Variants in CBLN2 observed in about 807,000 individuals in gnomAD.
CBLN2 encodes cerebellin-2.
CBLN2 carries 7 observed loss-of-function variants against 15.0 expected under a neutral mutation model. The ratio of observed to expected loss-of-function variants is 0.47; its 90% CI spans 0.27 to 0.88. The LOEUF is 0.88. CBLN2 is among the 40% of genes least tolerant of loss of function. The pLI is 0.14. For missense variants in CBLN2, 242 were observed against 304.5 expected (o/e 0.79, Z 1.53); for synonymous variants, 149 against 135.2 (o/e 1.10, Z -0.71).
chr18:72,578,743 T>G (rs2069384405), intron 1 of CBLN2, among the ~76,000 whole-genome samples: 1 of 152,246 alleles, frequency 6.6e-6, no homozygotes, highest in South Asian at 2.1e-4. Context: ...TCTCGTCTCC[T>G]GTAGACACTC....
intron 1 of CBLN2, among the ~76,000 whole-genome samples, chr18:72,587,184 T>G (rs1025115318): frequency 1.8e-4 from 28 of 152,084 alleles, no homozygotes; most frequent in African/African-American, 6.8e-4. Context: ...GAAATCGGTT[T>G]GGCATGAGGT....
intron 1 of CBLN2, among the ~76,000 whole-genome samples, chr18:72,587,928 GTAAT>G (rs1568125139): frequency 1.3e-5 from 2 of 152,116 alleles, no homozygotes; most frequent in Admixed American, 6.5e-5. Context: ...ATTGGCTAAT[GTAAT>G]TTATAGGGTC....
At chr18:72,541,508 T>C (rs1200948151) in intron 3 of CBLN2, among the ~76,000 whole-genome samples, 1 of 152,212 alleles carries the variant, frequency 6.6e-6, no homozygotes, top group East Asian at 1.9e-4. Context: ...TTGGGAAACA[T>C]ATTTCAAATC....
rs1280382617 is a variant in CBLN2 at position 72,544,301 on chromosome 18, T to A, written c.-536A>T. On this transcript the variant is annotated 5_prime_UTR_variant, in exon 1 of 5. Transcript: ENST00000269503. The stretch of plus-strand genomic sequence containing the variant: ...TTCCCGCAGGGCTAGAAGAGGGGCC[T>A]CCGGCCCGGGTCTGTGTGTCTGCTC... The A allele has an allele frequency of 6.6e-6, 1 of 152,198 alleles. No homozygotes were observed. Among genetic ancestry groups the A allele is most frequent in the Non-Finnish European group, 1.5e-5 (1 of 68,050 alleles). The allele number at this position is 152,198 out of a possible 1,614,324, so 9.4% of individuals were successfully genotyped here. A position where few individuals can be genotyped will look rare whatever the true frequency, so the allele number is the denominator to read the frequency against.
chr18:72,589,494 C>T (rs1235604077), intron 1 of CBLN2, among the ~76,000 whole-genome samples: 1 of 152,090 alleles, frequency 6.6e-6, no homozygotes, highest in Non-Finnish European at 1.5e-5. Flanking sequence ...TGTGGTTAAA[C>T]TCAATCTCAG....
chr18:72,541,753 C>A, intron 3 of CBLN2, 51 bp downstream of exon 3: 1 of 1,460,074 alleles, frequency 6.8e-7, no homozygotes, highest in Non-Finnish European at 9.1e-7. Context: ...GCGCGCAGGT[C>A]CCCGCCCCTC....
chr18:72,574,836 CTT>C (rs1486582952), intron 1 of CBLN2, among the ~76,000 whole-genome samples: 1 of 152,148 alleles, frequency 6.6e-6, no homozygotes, highest in African/African-American at 2.4e-5. Flanking sequence ...GCTAACGACA[CTT>C]TTGAAGTTCC....
At chr18:72,577,362 A>G (rs928943327) in intron 1 of CBLN2, among the ~76,000 whole-genome samples, 18 of 152,112 alleles carry the variant, frequency 1.2e-4, no homozygotes, top group Non-Finnish European at 2.5e-4. Flanking sequence ...ACTTTCTCAC[A>G]AGTGTATCAT....
At chr18:72,619,034 G>A in intron 1 of CBLN2, 1 of 761,608 alleles carries the variant, frequency 1.3e-6, no homozygotes, top group Non-Finnish European at 2.4e-6. Flanking sequence ...TTTGGAGGTG[G>A]TGGAAGCTAC....
intron 1 of CBLN2, among the ~76,000 whole-genome samples, chr18:72,622,738 C>T (rs28826312): frequency 0.21 from 31,433 of 151,996 alleles, 4,997 homozygotes; most frequent in African/African-American, 0.45. Flanking sequence ...TCTTTGAGAT[C>T]ACTTTTGATC....
In CBLN2 at chr18:72,638,444, T is replaced by A. The variant is rs2069828100; in HGVS notation, c.-105A>T. Reference sequence around the variant, plus strand: ...TATATCTAATTTCACTTAGGATCTATCCAATGACAGACTTGTTATCCTCAC... The same window carrying A: ...TATATCTAATTTCACTTAGGATCTAACCAATGACAGACTTGTTATCCTCAC... On this transcript the variant is annotated 5_prime_UTR_variant, in exon 1 of 3. Coordinates refer to the CBLN2 transcript ENST00000581073. The A allele has an allele frequency of 1.5e-5, 6 of 397,772 alleles. No homozygotes were observed. In the East Asian group the frequency reaches 1.8e-4, roughly 12 times the overall value. The allele number at this position is 397,772 out of a possible 1,614,324, so 24.6% of individuals were successfully genotyped here.
intron 1 of CBLN2, among the ~76,000 whole-genome samples, chr18:72,608,388 C>A (rs917758102): frequency 6.6e-6 from 1 of 152,192 alleles, no homozygotes; most frequent in Non-Finnish European, 1.5e-5. Flanking sequence ...TGTCTCACAT[C>A]GTTGGCTTCT....
At chr18:72,564,898 C>G (rs543410945) in intron 1 of CBLN2, among the ~76,000 whole-genome samples, 1 of 152,218 alleles carries the variant, frequency 6.6e-6, no homozygotes, top group Admixed American at 6.5e-5. Flanking sequence ...ACTCTAAAAG[C>G]AGCAAAAGAA....
chr18:72,590,550 G>C (rs549801431), intron 1 of CBLN2, among the ~76,000 whole-genome samples: 1 of 151,912 alleles, frequency 6.6e-6, no homozygotes, highest in Admixed American at 6.6e-5. Flanking sequence ...ATAATGACTG[G>C]GTTTTTCTTA....
intron 1 of CBLN2, among the ~76,000 whole-genome samples, chr18:72,621,730 T>C (rs1397367396): frequency 6.6e-6 from 1 of 152,196 alleles, no homozygotes; most frequent in African/African-American, 2.4e-5. Context: ...CTCAGAATTT[T>C]CCATCCTCAA....
intron 1 of CBLN2, among the ~76,000 whole-genome samples, chr18:72,588,975 G>A (rs2069460516): frequency 6.6e-6 from 1 of 152,164 alleles, no homozygotes; most frequent in South Asian, 2.1e-4. Context: ...ACTCTTCTTA[G>A]GAGCTAGAAA....
chr18:72,599,324 G>T (rs1378523789), intron 1 of CBLN2, among the ~76,000 whole-genome samples: 1 of 152,048 alleles, frequency 6.6e-6, no homozygotes, highest in Non-Finnish European at 1.5e-5. Context: ...GATAAGAATG[G>T]AGTTAAAACT....
At chr18:72,546,199 A>G (rs568534096), upstream of CBLN2, among the ~76,000 whole-genome samples, 3 of 152,344 alleles carry the variant, frequency 2.0e-5, no homozygotes, top group Non-Finnish European at 2.9e-5. Context: ...GCACTTTGGG[A>G]GGCCGAGGCG....
intron 1 of CBLN2, among the ~76,000 whole-genome samples, chr18:72,571,658 G>A (rs1224168566): frequency 6.6e-6 from 1 of 152,150 alleles, no homozygotes; most frequent in African/African-American, 2.4e-5. Context: ...TGTCCGTGGC[G>A]ATTCAGTAGA....
Sources: gnomAD v4.1 joint callset for allele counts (sites outside exome capture counted in the v4.1 genomes callset) on GRCh38, gnomAD v4.1.1 for gene constraint, MANE v1.5 for transcripts, NCBI Gene and HGNC (gene_info 2026-07-23, HGNC 2026-07-21) for gene names.